Variants in TMEM132B observed in about 807,000 individuals in gnomAD.
TMEM132B encodes the protein transmembrane protein 132B.
Under a neutral mutation model 90.8 loss-of-function variants are expected in TMEM132B, and 18 were observed. The ratio of observed to expected loss-of-function variants is 0.20; its 90% confidence interval spans 0.14 to 0.29. The LOEUF (loss-of-function observed/expected upper bound fraction) is 0.29. TMEM132B is among the 10% of genes least tolerant of loss of function. The probability of loss-of-function intolerance (pLI) is 1.00; values close to 1 mark genes in which losing one functional copy is unlikely to be tolerated. For synonymous variants in TMEM132B, 504 were observed against 523.3 expected, an observed-to-expected ratio of 0.96 and a Z score of 0.50; for missense variants, 1,096 against 1,326.8, an observed-to-expected ratio of 0.83 and a Z score of 2.70.
At chr12:125,572,802 T>C (rs553680305) in intron 4 of TMEM132B, among the ~76,000 whole-genome samples, 105 of 152,330 alleles carry the variant, frequency 6.9e-4, no homozygotes, top group Non-Finnish European at 1.1e-3. Flanking sequence ...TCATTCCTTT[T>C]GATATTTATT....
chr12:125,262,890 C>G (rs1462935427), intron 1 of TMEM132B, among the ~76,000 whole-genome samples: 1 of 152,242 alleles, frequency 6.6e-6, no homozygotes, highest in African/African-American at 2.4e-5. Flanking sequence ...GGAAGGGCCT[C>G]TTCAAGGCAG....
chr12:125,545,182 C>A (rs1280989741), intron 4 of TMEM132B, among the ~76,000 whole-genome samples: 1 of 152,188 alleles, frequency 6.6e-6, no homozygotes, highest in Admixed American at 6.5e-5. Flanking sequence ...AAGCGGCTTG[C>A]TCTCCAAGGT....
intron 1 of TMEM132B, among the ~76,000 whole-genome samples, chr12:125,255,647 C>T (rs1874422812): frequency 6.6e-6 from 1 of 152,196 alleles, no homozygotes; most frequent in Admixed American, 6.5e-5. Flanking sequence ...GAGTGCCGGG[C>T]AGGGACTGGG....
chr12:125,557,184 A>G (rs1030351806), intron 4 of TMEM132B, among the ~76,000 whole-genome samples: 2 of 152,118 alleles, frequency 1.3e-5, no homozygotes, highest in Non-Finnish European at 2.9e-5. Context: ...GTGTATATAT[A>G]GTTATTTTTG....
intron 3 of TMEM132B, among the ~76,000 whole-genome samples, chr12:125,431,367 AACAG>A (rs1431898850): frequency 4.6e-5 from 7 of 152,248 alleles, no homozygotes; most frequent in African/African-American, 1.4e-4. Flanking sequence ...AATGATGGCA[AACAG>A]ACAGAGAAGC....
chr12:125,240,634 TAGAC>T (rs1281405046), intron 1 of TMEM132B, among the ~76,000 whole-genome samples: 3 of 152,140 alleles, frequency 2.0e-5, no homozygotes, highest in African/African-American at 7.2e-5. Flanking sequence ...ACCTTACTCT[TAGAC>T]AGGCATGCTC....
intron 3 of TMEM132B, among the ~76,000 whole-genome samples, chr12:125,436,219 G>A (rs1382697576): frequency 1.3e-5 from 2 of 152,188 alleles, no homozygotes; most frequent in African/African-American, 4.8e-5. Flanking sequence ...GAAGCTCATT[G>A]TTAAAATTAG....
At chr12:125,302,250 A>G (rs778796876) in intron 1 of TMEM132B, among the ~76,000 whole-genome samples, 6 of 152,006 alleles carry the variant, frequency 3.9e-5, no homozygotes, top group Non-Finnish European at 5.9e-5. Flanking sequence ...CTGTGGTCCC[A>G]GCTACTAGGG....
At position 125,460,845 on chromosome 12, in the gene TMEM132B, G is replaced by T. The variant is rs1881419269; in HGVS notation, c.1106+45168G>T. Among the ~76,000 whole-genome samples the T allele has an allele frequency of 6.6e-6, 1 of 152,104 alleles. No homozygotes were observed. Among genetic ancestry groups the T allele is most frequent in the Non-Finnish European group, 1.5e-5 (1 of 68,014 alleles). On this transcript the variant is annotated intron_variant, in intron 3 of 8. Coordinates refer to ENST00000682704, the MANE Select transcript of TMEM132B (RefSeq NM_001366854.1). This position sits in a 1 kb window ranked among gnomAD's most constrained non-coding sequence, Gnocchi z 4.4. ...CCTTTCCTTACAATCTTTTACTTCT[G>T]GTCTTTTGAAGACAATGAAACATAT... is the stretch of plus-strand genomic sequence containing the variant.
chr12:125,326,348 G>C (rs747794165), intron 1 of TMEM132B, among the ~76,000 whole-genome samples: 10 of 152,280 alleles, frequency 6.6e-5, no homozygotes, highest in Non-Finnish European at 1.5e-4. Context: ...GAATTACTCT[G>C]TTCCGAAGTG....
At chr12:125,533,193 G>A (rs1035674260) in intron 4 of TMEM132B, among the ~76,000 whole-genome samples, 11 of 152,208 alleles carry the variant, frequency 7.2e-5, no homozygotes. Context: ...CCAGAAGCCA[G>A]AATAACCTTG....
chr12:125,396,788 T>G (rs977897942), intron 2 of TMEM132B, among the ~76,000 whole-genome samples: 16 of 152,146 alleles, frequency 1.1e-4, no homozygotes, highest in Non-Finnish European at 1.6e-4. Context: ...ATTACAGGCA[T>G]GAGAGCCACC....
chr12:125,530,792 A>C (rs902765197), intron 4 of TMEM132B, among the ~76,000 whole-genome samples: 3 of 152,218 alleles, frequency 2.0e-5, no homozygotes, highest in African/African-American at 7.2e-5. Flanking sequence ...CAGTCCTTGC[A>C]TTGAGGGCTC....
chr12:125,189,821 G>C (rs1170010923), intron 1 of TMEM132B, among the ~76,000 whole-genome samples: 1 of 152,258 alleles, frequency 6.6e-6, no homozygotes, highest in African/African-American at 2.4e-5. Context: ...GGTGGGGGTG[G>C]TCTCTGGGCC....
chr12:125,496,695 C>A (rs1012790280), intron 3 of TMEM132B, among the ~76,000 whole-genome samples: 2 of 152,212 alleles, frequency 1.3e-5, no homozygotes, highest in African/African-American at 2.4e-5. Context: ...GCTGCATTCT[C>A]TCTGGCCTTC....
intron 1 of TMEM132B, among the ~76,000 whole-genome samples, chr12:125,199,557 A>T (rs1873007778): frequency 6.6e-6 from 1 of 152,196 alleles, no homozygotes; most frequent in African/African-American, 2.4e-5. Context: ...TGTACTGTGC[A>T]TATCTGTTCA....
chr12:125,266,458 T>C (rs1177822501), intron 1 of TMEM132B, among the ~76,000 whole-genome samples: 1 of 152,218 alleles, frequency 6.6e-6, no homozygotes, highest in African/African-American at 2.4e-5. Flanking sequence ...TAACTGAGCA[T>C]AATTATAATT....
At chr12:125,551,974 A>C (rs757127418) in intron 4 of TMEM132B, among the ~76,000 whole-genome samples, 7 of 152,120 alleles carry the variant, frequency 4.6e-5, no homozygotes, top group Non-Finnish European at 8.8e-5. Flanking sequence ...TGAGATGACA[A>C]ATGTTTTCTT....
intron 2 of TMEM132B, among the ~76,000 whole-genome samples, chr12:125,401,329 A>G (rs1352754148): frequency 6.6e-6 from 1 of 152,226 alleles, no homozygotes; most frequent in African/African-American, 2.4e-5. Context: ...GCTTATATCT[A>G]GTGGGAGAGA....
Sources: allele counts gnomAD v4.1 joint callset (sites outside exome capture counted in the v4.1 genomes callset), GRCh38; gene constraint gnomAD v4.1.1; non-coding constraint Gnocchi (gnomAD v3.1); transcripts MANE v1.5; gene names NCBI Gene and HGNC (gene_info 2026-07-23, HGNC 2026-07-21).